PTAR1: variants seen among roughly 807,000 people sequenced by gnomAD.
The protein encoded by PTAR1 is protein prenyltransferase alpha subunit repeat-containing protein 1.
PTAR1 carries 17 observed loss-of-function variants against 45.5 expected under a neutral mutation model. The observed-to-expected ratio is 0.37, with a 90% CI of 0.26 to 0.56. The LOEUF (loss-of-function observed/expected upper bound fraction) is 0.56, where lower values mean the gene tolerates loss of function less well. Ranked by LOEUF, PTAR1 falls within the 20% of genes least tolerant of loss-of-function variation. PTAR1 has a pLI of 0.77. For missense variants in PTAR1, 391 were observed against 476.3 expected, an observed-to-expected ratio of 0.82 and a Z score of 1.67; for synonymous variants, 169 against 171.3, an observed-to-expected ratio of 0.99 and a Z score of 0.11.
chr9:69,730,783 C>T (rs1825499784), intron 5 of PTAR1, among the ~76,000 whole-genome samples: 1 of 151,794 alleles, frequency 6.6e-6, no homozygotes, highest in African/African-American at 2.4e-5. Context: ...GGGTTTTATA[C>T]TTTTTCATCA....
In PTAR1 at chr9:69,718,004, C is replaced by CAGCA. The variant is rs1824797379; in HGVS notation, c.*334_*337dup. 1 of 190,378 alleles carries CAGCA rather than the reference C, an allele frequency of 5.3e-6. No individual in the cohort carries two copies. Among genetic ancestry groups the CAGCA allele is most frequent in the Non-Finnish European group, 1.1e-5 (1 of 93,746 alleles). 11.8% of individuals were successfully genotyped at this position (190,378 alleles called of 1,614,324 possible). The stretch of plus-strand genomic sequence containing the variant: ...TAATTTTTAAAAGAATTTGCCTATG[C>CAGCA]AGCAATTGGACTGAGGGGGGTAGAG... On this transcript the variant is annotated 3_prime_UTR_variant, in exon 8 of 8. Transcript: ENST00000340434.
chr9:69,736,724 G>T (rs982816714), intron 3 of PTAR1, among the ~76,000 whole-genome samples: 1 of 152,002 alleles, frequency 6.6e-6, no homozygotes, highest in Admixed American at 6.6e-5. Flanking sequence ...CCCTACAACT[G>T]AGTTTTGACA....
chr9:69,759,112 G>A (rs936804709), intron 1 of PTAR1, among the ~76,000 whole-genome samples: 6 of 152,172 alleles, frequency 3.9e-5, no homozygotes, highest in Admixed American at 2.0e-4. Flanking sequence ...CAAGTAAAAT[G>A]GAAGAGATAC....
At chr9:69,739,076 G>A (rs1273305675) in intron 3 of PTAR1, among the ~76,000 whole-genome samples, 1 of 152,122 alleles carries the variant, frequency 6.6e-6, no homozygotes, top group African/African-American at 2.4e-5. Flanking sequence ...AAAGTGCTGG[G>A]ATTACAGGCG....
intron 5 of PTAR1, 165 bp downstream of exon 5, chr9:69,731,974 T>C: frequency 3.3e-6 from 2 of 607,126 alleles, no homozygotes; most frequent in Non-Finnish European, 5.8e-6. Flanking sequence ...TGCAAGCTTT[T>C]TATTTAATTA....
chr9:69,712,821 A>G lies in PTAR1; in HGVS notation c.*5521T>C, dbSNP rs959602856. The G allele has an allele frequency of 6.6e-6, 1 of 152,108 alleles. No homozygotes were observed. Among genetic ancestry groups the G allele is most frequent in the African/African-American group, 2.4e-5 (1 of 41,450 alleles). The allele number at this position is 152,108 out of a possible 1,614,324, so 9.4% of individuals were successfully genotyped here. A position where few individuals can be genotyped will look rare whatever the true frequency, so the allele number is the denominator to read the frequency against. On this transcript the variant is annotated 3_prime_UTR_variant, in exon 8 of 8. Coordinates refer to ENST00000340434, the MANE Select transcript of PTAR1 (RefSeq NM_001099666.2). ...CCAAAGATGGAACTATAACACAGAAATCATTTCCACAGAAGACACGAGAAT... is the reference window on the plus strand; with the variant it reads ...CCAAAGATGGAACTATAACACAGAAGTCATTTCCACAGAAGACACGAGAAT...
chr9:69,712,545 A>G lies in PTAR1; in HGVS notation c.*5797T>C, dbSNP rs1329059062. 1 of 152,192 alleles carries G rather than the reference A, an allele frequency of 6.6e-6. No individual in the cohort carries two copies. Among genetic ancestry groups the G allele is most frequent in the Non-Finnish European group, 1.5e-5 (1 of 67,996 alleles). 9.4% of individuals were successfully genotyped at this position (152,192 alleles called of 1,614,324 possible). ...AGCTAAGAATATGGACAATGATGAT[A>G]TGATAGCTAAGCTAGTTTTATCTTT... On this transcript the variant is annotated 3_prime_UTR_variant, in exon 8 of 8. Coordinates refer to ENST00000340434, the MANE Select transcript of PTAR1 (RefSeq NM_001099666.2).
rs925359649 is a variant in PTAR1 at position 69,717,994 on chromosome 9, T to A, written c.*348A>T. The A allele has an allele frequency of 3.9e-5, 7 of 178,556 alleles. No individual in the cohort carries two copies. In the Admixed American group the frequency reaches 4.2e-4, roughly 11 times the overall value. 11.1% of individuals were successfully genotyped at this position (178,556 alleles called of 1,614,324 possible). ...CTTAAATTTTTAATTTTTAAAAGAA[T>A]TTGCCTATGCAGCAATTGGACTGAG... On this transcript the variant is annotated 3_prime_UTR_variant, in exon 8 of 8. Coordinates refer to ENST00000340434, the MANE Select transcript of PTAR1 (RefSeq NM_001099666.2).
At chr9:69,729,441 G>T (rs1825433091) in intron 5 of PTAR1, among the ~76,000 whole-genome samples, 1 of 152,112 alleles carries the variant, frequency 6.6e-6, no homozygotes, top group Non-Finnish European at 1.5e-5. Flanking sequence ...CAATGTGATG[G>T]ATTGTAATCT....
intron 2 of PTAR1, among the ~76,000 whole-genome samples, chr9:69,745,425 C>A (rs979451136): frequency 3.9e-5 from 6 of 152,126 alleles, no homozygotes; most frequent in Non-Finnish European, 8.8e-5. Flanking sequence ...TGTGTCTGAC[C>A]AATGGTAGCT....
chr9:69,738,969 G>A (rs774121314), intron 3 of PTAR1, among the ~76,000 whole-genome samples: 5 of 151,914 alleles, frequency 3.3e-5, no homozygotes, highest in South Asian at 2.1e-4. Flanking sequence ...TGACACGCAC[G>A]GCTAATTTTT....
At chr9:69,750,714 G>T in intron 2 of PTAR1, 67 bp downstream of exon 2, 1 of 1,132,674 alleles carries the variant, frequency 8.8e-7, no homozygotes, top group East Asian at 2.6e-5. Context: ...ACTCAGAGAA[G>T]GGCTCTTCCT....
intron 5 of PTAR1, among the ~76,000 whole-genome samples, chr9:69,730,439 T>C (rs1394287646): frequency 1.3e-5 from 2 of 151,512 alleles, no homozygotes; most frequent in Non-Finnish European, 2.9e-5. Context: ...TCAGTCAACC[T>C]GGACTCCGCC....
chr9:69,731,461 A>T (rs1382600155), intron 5 of PTAR1, among the ~76,000 whole-genome samples: 1 of 152,146 alleles, frequency 6.6e-6, no homozygotes, highest in African/African-American at 2.4e-5. Flanking sequence ...CATTCTGATG[A>T]ATAATAAGTG....
chr9:69,742,238 A>C (rs1436949494), intron 2 of PTAR1, among the ~76,000 whole-genome samples: 1 of 152,102 alleles, frequency 6.6e-6, no homozygotes, highest in African/African-American at 2.4e-5. Context: ...GGTGTGTGCG[A>C]ATTTTCAAAA....
intron 3 of PTAR1, among the ~76,000 whole-genome samples, chr9:69,736,982 C>T (rs894314113): frequency 6.6e-6 from 1 of 152,094 alleles, no homozygotes; most frequent in African/African-American, 2.4e-5. Context: ...TAGTACTGAA[C>T]ATTTGTAGGT....
intron 5 of PTAR1, among the ~76,000 whole-genome samples, chr9:69,730,222 A>G (rs1443740158): frequency 6.6e-6 from 1 of 152,066 alleles, no homozygotes; most frequent in Non-Finnish European, 1.5e-5. Flanking sequence ...AGGGCGGGTC[A>G]AGGAAGGATG....
chr9:69,759,747 G>T, intron 1 of PTAR1, 106 bp downstream of exon 1: 2 of 1,135,200 alleles, frequency 1.8e-6, no homozygotes, highest in Non-Finnish European at 1.2e-6. Flanking sequence ...AAGGGCTCGT[G>T]GGCCAGGACC....
chr9:69,730,015 A>C (rs890346192), intron 5 of PTAR1, among the ~76,000 whole-genome samples: 3 of 152,130 alleles, frequency 2.0e-5, no homozygotes, highest in Non-Finnish European at 4.4e-5. Context: ...ATATATTTTT[A>C]AGCTGATTTA....
Sources: allele counts gnomAD v4.1 joint callset (sites outside exome capture counted in the v4.1 genomes callset), GRCh38; gene constraint gnomAD v4.1.1; transcripts MANE v1.5; gene names NCBI Gene and HGNC (gene_info 2026-07-23, HGNC 2026-07-21).